RAB4B: variants seen among roughly 807,000 people sequenced by gnomAD.
The protein encoded by RAB4B is RAB4B, member RAS oncogene family, also known as ras-related protein Rab-4B.
In RAB4B, 15 loss-of-function variants were observed where a neutral mutation model predicts 28.3. The observed-to-expected ratio is 0.53, with a 90% CI of 0.35 to 0.82. The LOEUF (loss-of-function observed/expected upper bound fraction) is 0.82. Ranked by LOEUF, RAB4B falls within the 40% of genes least tolerant of loss-of-function variation. The pLI, the probability that RAB4B is intolerant of heterozygous loss-of-function variation, is 0.01. For synonymous variants in RAB4B, 108 were observed against 116.3 expected, an observed-to-expected ratio of 0.93 and a Z score of 0.46; for missense variants, 244 against 288.5, an observed-to-expected ratio of 0.85 and a Z score of 1.12.
At chr19:40,787,645 A>G (rs1228335739) in intron 7 of RAB4B, among the ~76,000 whole-genome samples, 3 of 151,000 alleles carry the variant, frequency 2.0e-5, no homozygotes, top group Non-Finnish European at 4.4e-5. Flanking sequence ...GTCAGGGCAC[A>G]GGCAGAGGGA....
chr19:40,780,121 T>C, intron 2 of RAB4B, 22 bp downstream of exon 2: 2 of 1,612,884 alleles, frequency 1.2e-6, no homozygotes, highest in African/African-American at 2.7e-5. Context: ...GCAGTGGTCC[T>C]GGGAACCCTG....
rs746629770 is a variant in RAB4B, at chr19:40,783,932, A to G, written c.287A>G (p.Tyr96Cys). The G allele has an allele frequency of 1.2e-6, 2 of 1,610,980 alleles. No individual in the cohort carries two copies. Among genetic ancestry groups the G allele is most frequent in the East Asian group, 2.2e-5 (1 of 44,794 alleles). ...LVYDITSRET[Y>C]NSLAAWLTDA... ...TCCCTTCTCCACAGCCGGGAGACAT[A>G]CAACTCACTGGCTGCCTGGCTGACG... The change falls in exon 5 of 8, where the codon TAC becomes TGC. Residue 96 changes from tyrosine to cysteine, a missense_variant. Coordinates refer to ENST00000357052, the MANE Select transcript of RAB4B (RefSeq NM_016154.5).
At chr19:40,778,674 G>A (rs1166289948) in intron 1 of RAB4B, among the ~76,000 whole-genome samples, 2 of 152,082 alleles carry the variant, frequency 1.3e-5, no homozygotes, top group Non-Finnish European at 2.9e-5. Context: ...GGCCTTAATG[G>A]ATCTGGGCGG....
At chr19:40,790,231 G>A (rs1206388027) in intron 7 of RAB4B, among the ~76,000 whole-genome samples, 1 of 152,130 alleles carries the variant, frequency 6.6e-6, no homozygotes, top group Non-Finnish European at 1.5e-5. Flanking sequence ...CAGAGAGGAA[G>A]CTGCTGCAAA....
intron 3 of RAB4B, among the ~76,000 whole-genome samples, chr19:40,781,440 C>T (rs559006065): frequency 3.3e-5 from 5 of 151,802 alleles, no homozygotes; most frequent in African/African-American, 1.2e-4. Flanking sequence ...TGAATGAATG[C>T]ACGAATTTAC....
At chr19:40,788,343 G>A (rs893863350) in intron 7 of RAB4B, among the ~76,000 whole-genome samples, 2 of 151,888 alleles carry the variant, frequency 1.3e-5, no homozygotes, top group African/African-American at 4.8e-5. Context: ...AATTAGCGAG[G>A]CGTGGTGGTG....
At chr19:40,786,820 C>A (rs764759574) in intron 6 of RAB4B, 28 bp from the exon 7 acceptor site, 1 of 1,614,066 alleles carries the variant, frequency 6.2e-7, no homozygotes, top group Non-Finnish European at 8.5e-7. Context: ...TCCAGGCAAC[C>A]AATGCTGACC....
chr19:40,783,836 AC>A lies in RAB4B; in HGVS notation c.273del (p.Ser92AlafsTer12). On this transcript the variant is annotated frameshift_variant, in exon 4 of 8. Coordinates refer to ENST00000357052, the MANE Select transcript of RAB4B (RefSeq NM_016154.5). LOFTEE classifies it high-confidence loss of function. ...AAGALLVYDI[T>X]SRETYNSLAA... ...TGGAGCCCTGCTGGTGTACGACATCACCAGGTGGGTGCCCGGGGTGGGTGGG... is the reference window on the plus strand; with the variant it reads ...TGGAGCCCTGCTGGTGTACGACATCACAGGTGGGTGCCCGGGGTGGGTGGG... The A allele has an allele frequency of 8.8e-7, 1 of 1,132,320 alleles. No individual in the cohort carries two copies. The highest frequency in any genetic ancestry group is 1.2e-6 in the Non-Finnish European group (1 of 821,476). The allele number at this position is 1,132,320 out of a possible 1,614,324, so 70.1% of individuals were successfully genotyped here.
chr19:40,791,984 C>T (rs2083163838), intron 7 of RAB4B, among the ~76,000 whole-genome samples: 1 of 152,204 alleles, frequency 6.6e-6, no homozygotes, highest in Non-Finnish European at 1.5e-5. Flanking sequence ...TCCCATCCCT[C>T]CTTCTCTGGG....
chr19:40,795,658 G>A (rs1473860067), intron 7 of RAB4B, among the ~76,000 whole-genome samples: 1 of 151,960 alleles, frequency 6.6e-6, no homozygotes, highest in Non-Finnish European at 1.5e-5. Flanking sequence ...GCCTCCCAAA[G>A]TGCTGGGATT....
At position 40,787,002 on chromosome 19, in the gene RAB4B, A is replaced by AG. The variant is rs554562412; in HGVS notation, c.*15+26dup. On this transcript the variant is annotated intron_variant, in intron 7 of 7. Coordinates refer to ENST00000357052, the MANE Select transcript of RAB4B (RefSeq NM_016154.5). ...AGGTGGGACACTGGGGGCTTTAGGGAGGCAGGGCGGCCTCTTGGGCATGGG... is the reference window on the plus strand; with the variant it reads ...AGGTGGGACACTGGGGGCTTTAGGGAGGGCAGGGCGGCCTCTTGGGCATGGG... 6.9e-4 allele frequency: 1,102 copies of AG among 1,598,126 alleles called. 16 individuals are homozygous for AG. In the South Asian group the frequency reaches 0.011, roughly 17 times the overall value.
At chr19:40,791,349 C>T (rs2604910) in intron 7 of RAB4B, among the ~76,000 whole-genome samples, 32,081 of 151,982 alleles carry the variant, frequency 0.21, 3,475 homozygotes, top group Middle Eastern at 0.27. Flanking sequence ...CTGCTCCTGT[C>T]GCTCCCTTTT....
chr19:40,793,586 T>G (rs1347583741), intron 7 of RAB4B, among the ~76,000 whole-genome samples: 18 of 123,466 alleles, frequency 1.5e-4, no homozygotes, highest in South Asian at 8.8e-4. Context: ...TTTTTTTTTT[T>G]TTTTTTTTTA....
At chr19:40,778,892 T>C (rs572618695) in intron 1 of RAB4B, among the ~76,000 whole-genome samples, 1 of 151,834 alleles carries the variant, frequency 6.6e-6, no homozygotes, top group Non-Finnish European at 1.5e-5. Flanking sequence ...AGCCGGGTTC[T>C]GGGCAGAGGG....
chr19:40,786,348 G>T, intron 5 of RAB4B: 4 of 369,248 alleles, frequency 1.1e-5, no homozygotes, highest in South Asian at 8.7e-5. Context: ...GGATGAGGAA[G>T]CACAAGCAGT....
chr19:40,780,334 G>C (rs991266578), intron 2 of RAB4B, 51 bp from the exon 3 acceptor site: 1 of 1,518,260 alleles, frequency 6.6e-7, no homozygotes, highest in Non-Finnish European at 9.0e-7. Flanking sequence ...GGGATCCTCT[G>C]AGCTGTCTCC....
At chr19:40,794,251 A>G (rs951862108) in intron 7 of RAB4B, among the ~76,000 whole-genome samples, 4 of 151,614 alleles carry the variant, frequency 2.6e-5, no homozygotes, top group African/African-American at 7.3e-5. Flanking sequence ...ATTTCTTTGT[A>G]TTTTTAGTAG....
chr19:40,780,466 A>G lies in RAB4B; in HGVS notation c.179A>G (p.Gln60Arg). Residue 60 changes from glutamine to arginine, a missense_variant, in exon 3 of 8, where the codon CAG (glutamine) becomes CGG (arginine). Physicochemically the swap from Gln to Arg is conservative, Grantham distance 43 (BLOSUM62 1). Transcript: ENST00000357052. ...VNVGGKTVKL[Q>R]IWDTAGQERF... is the part of the protein sequence containing the mutation. Reference sequence around the variant, plus strand: ...GTGGGTGGGAAGACTGTGAAGCTACAGATTTGGGACACGGCTGGCCAGGAG... The same window carrying G: ...GTGGGTGGGAAGACTGTGAAGCTACGGATTTGGGACACGGCTGGCCAGGAG... 1.2e-6 allele frequency: 2 copies of G among 1,613,824 alleles called. No individual in the cohort carries two copies. Among genetic ancestry groups the G allele is most frequent in the Non-Finnish European group, 1.7e-6 (2 of 1,179,912 alleles).
chr19:40,785,528 A>C (rs1420457252), intron 5 of RAB4B: 2 of 152,116 alleles, frequency 1.3e-5, no homozygotes, highest in African/African-American at 2.4e-5. Context: ...AAAACAAAAA[A>C]GGTTTGCAAG....
Sources: allele counts gnomAD v4.1 joint callset (sites outside exome capture counted in the v4.1 genomes callset), GRCh38; gene constraint gnomAD v4.1.1; transcripts MANE v1.5; gene names NCBI Gene and HGNC (gene_info 2026-07-23, HGNC 2026-07-21).